Variants in DSCAM observed in about 807,000 individuals in gnomAD.
DSCAM encodes the protein DS cell adhesion molecule.
A neutral mutation model predicts 217.7 loss-of-function variants in DSCAM; 47 were observed. The observed-to-expected ratio is 0.22, with a 90% CI of 0.17 to 0.28. The LOEUF (loss-of-function observed/expected upper bound fraction) is 0.28. DSCAM is among the 10% of genes least tolerant of loss of function. DSCAM has a pLI of 1.00. For synonymous variants in DSCAM, 1,056 were observed against 1,015.3 expected (o/e 1.04, Z -0.76); for missense variants, 2,080 against 2,618.3 (o/e 0.79, Z 4.49).
chr21:40,342,742 C>T (rs2074512134), intron 6 of DSCAM, among the ~76,000 whole-genome samples: 1 of 120,222 alleles, frequency 8.3e-6, no homozygotes, highest in Admixed American at 8.9e-5. Context: ...GTGCACACCA[C>T]GCCTTTTTTT....
At chr21:40,053,363 T>G (rs1250705557) in intron 29 of DSCAM, among the ~76,000 whole-genome samples, 1 of 152,130 alleles carries the variant, frequency 6.6e-6, no homozygotes, top group African/African-American at 2.4e-5. Context: ...TCAAAGAGGG[T>G]GGCTCTTCCA....
At chr21:40,335,592 A>T (rs558064149) in intron 8 of DSCAM, among the ~76,000 whole-genome samples, 1 of 152,212 alleles carries the variant, frequency 6.6e-6, no homozygotes, top group African/African-American at 2.4e-5. Context: ...TATTTATCCA[A>T]TGGTCATACT....
intron 1 of DSCAM, among the ~76,000 whole-genome samples, chr21:40,833,885 G>A (rs1275043877): frequency 6.6e-6 from 1 of 152,126 alleles, no homozygotes; most frequent in Non-Finnish European, 1.5e-5. Flanking sequence ...GTCGTGGGGA[G>A]CTGTCCTGTG....
intron 3 of DSCAM, among the ~76,000 whole-genome samples, chr21:40,525,237 A>G (rs2076391740): frequency 6.6e-6 from 1 of 152,208 alleles, no homozygotes; most frequent in Non-Finnish European, 1.5e-5. Flanking sequence ...GTATATACAT[A>G]TAATACAGCA....
intron 3 of DSCAM, among the ~76,000 whole-genome samples, chr21:40,505,990 C>T (rs1360349239): frequency 6.6e-6 from 1 of 152,184 alleles, no homozygotes; most frequent in African/African-American, 2.4e-5. Context: ...GAACCACACA[C>T]ACACAAAACA....
intron 3 of DSCAM, among the ~76,000 whole-genome samples, chr21:40,650,643 C>T (rs1000498575): frequency 1.3e-5 from 2 of 152,138 alleles, no homozygotes; most frequent in Admixed American, 1.3e-4. Context: ...AGGCTGGGCA[C>T]TGTGGCTCAC....
chr21:40,787,337 A>G (rs1470514191), intron 1 of DSCAM, among the ~76,000 whole-genome samples: 1 of 152,204 alleles, frequency 6.6e-6, no homozygotes, highest in East Asian at 1.9e-4. Context: ...CAGATTTAAG[A>G]TAAAAATCAC....
At chr21:40,328,923 G>A (rs1040202078) in intron 8 of DSCAM, among the ~76,000 whole-genome samples, 6 of 151,978 alleles carry the variant, frequency 3.9e-5, no homozygotes, top group African/African-American at 1.2e-4. Flanking sequence ...GCTCAACATC[G>A]CTAATTATCA....
chr21:40,159,483 G>C (rs1028659410), intron 16 of DSCAM, among the ~76,000 whole-genome samples: 1 of 152,176 alleles, frequency 6.6e-6, no homozygotes, highest in Non-Finnish European at 1.5e-5. Context: ...TGTTCTCTGT[G>C]AAAAGCAGAG....
chr21:40,824,004 G>A (rs1344036180), intron 1 of DSCAM, among the ~76,000 whole-genome samples: 1 of 152,020 alleles, frequency 6.6e-6, no homozygotes, highest in African/African-American at 2.4e-5. Context: ...AACACACAAG[G>A]CTATAAAATC....
intron 16 of DSCAM, among the ~76,000 whole-genome samples, chr21:40,157,189 C>T (rs1371757303): frequency 6.6e-6 from 1 of 152,224 alleles, no homozygotes; most frequent in African/African-American, 2.4e-5. Context: ...TGGATCCCAG[C>T]TGTCTTCACT....
intron 11 of DSCAM, among the ~76,000 whole-genome samples, chr21:40,216,799 C>T (rs2091247645): frequency 1.3e-5 from 2 of 152,218 alleles, no homozygotes; most frequent in Middle Eastern, 3.2e-3. Context: ...AGCCACTGCC[C>T]TACCTCCCCC....
intron 1 of DSCAM, among the ~76,000 whole-genome samples, chr21:40,747,748 A>C (rs2091189224): frequency 7.3e-6 from 1 of 136,316 alleles, no homozygotes; most frequent in African/African-American, 3.1e-5. Context: ...TCCAAAAATC[A>C]GAAAAGAATA....
At chr21:40,355,453 A>C (rs1028495432) in intron 4 of DSCAM, among the ~76,000 whole-genome samples, 1 of 152,208 alleles carries the variant, frequency 6.6e-6, no homozygotes, top group African/African-American at 2.4e-5. Flanking sequence ...TGTGGAAACC[A>C]CGCAGCTCAA....
intron 9 of DSCAM, among the ~76,000 whole-genome samples, chr21:40,309,743 A>G (rs1189926052): frequency 6.6e-6 from 1 of 152,208 alleles, no homozygotes; most frequent in Non-Finnish European, 1.5e-5. Context: ...CTTTACCGCC[A>G]AAATAGATTG....
intron 32 of DSCAM, among the ~76,000 whole-genome samples, chr21:40,023,409 G>A (rs1417520636): frequency 2.0e-5 from 3 of 151,784 alleles, no homozygotes; most frequent in Admixed American, 1.3e-4. Flanking sequence ...GGGTCAAATG[G>A]TATTTCTAGT....
intron 3 of DSCAM, among the ~76,000 whole-genome samples, chr21:40,393,465 T>C (rs1299089114): frequency 6.6e-6 from 1 of 152,252 alleles, no homozygotes; most frequent in Non-Finnish European, 1.5e-5. Flanking sequence ...TATGTTTTTA[T>C]AGGCATATTT....
At chr21:40,311,427 A>G (rs894842950) in intron 9 of DSCAM, among the ~76,000 whole-genome samples, 1 of 152,218 alleles carries the variant, frequency 6.6e-6, no homozygotes, top group Non-Finnish European at 1.5e-5. Flanking sequence ...GAAGTTCAAA[A>G]TAAGACTGAA....
intron 27 of DSCAM, among the ~76,000 whole-genome samples, chr21:40,071,619 A>C (rs1012894306): frequency 3.9e-5 from 6 of 152,158 alleles, no homozygotes; most frequent in Non-Finnish European, 2.9e-5. Context: ...TATAATTCAA[A>C]TCTCCTTATT....
Sources: gnomAD v4.1 joint callset for allele counts (sites outside exome capture counted in the v4.1 genomes callset) on GRCh38, gnomAD v4.1.1 for gene constraint, MANE v1.5 for transcripts, NCBI Gene and HGNC (gene_info 2026-07-23, HGNC 2026-07-21) for gene names.